Variants in LONP2 observed in about 807,000 individuals in gnomAD.
The protein encoded by LONP2 is lon peptidase 2, peroxisomal.
Under a neutral mutation model 85.6 loss-of-function variants are expected in LONP2, and 60 were observed. That is an observed-to-expected ratio of 0.70 (90% CI 0.57 to 0.87). LONP2 has a LOEUF of 0.87. Ranked by LOEUF, LONP2 falls within the 40% of genes least tolerant of loss-of-function variation. LONP2 has a pLI of 0.00. For missense variants in LONP2, 860 were observed against 1,063.5 expected, an observed-to-expected ratio of 0.81 and a Z score of 2.66; for synonymous variants, 395 against 389.7, an observed-to-expected ratio of 1.01 and a Z score of -0.16.
At chr16:48,294,727 C>G (rs1002685413) in intron 8 of LONP2, among the ~76,000 whole-genome samples, 4 of 151,996 alleles carry the variant, frequency 2.6e-5, no homozygotes, top group Non-Finnish European at 5.9e-5. Context: ...AAATGAGACT[C>G]TGTCTCAAAC....
chr16:48,344,258 G>T (rs987417720), intron 12 of LONP2: 2 of 152,134 alleles, frequency 1.3e-5, no homozygotes, highest in Admixed American at 6.5e-5. Context: ...TTCAGAACAC[G>T]TCCTTAAAGA....
Position 48,352,804 on chromosome 16 carries a change from A to T in LONP2, c.*1002A>T, listed in dbSNP as rs1317269219. ...TGGCCCTGGATGCCTGCAACCTCAG[A>T]AGAGTGCAGCTCCCAGAGGGAGGCA... is the stretch of plus-strand genomic sequence containing the variant. On this transcript the variant is annotated 3_prime_UTR_variant, in exon 15 of 15. Coordinates refer to ENST00000285737, the MANE Select transcript of LONP2 (RefSeq NM_031490.5). 6.6e-6 allele frequency: 1 copy of T among 152,258 alleles called. No individual in the cohort carries two copies. The highest frequency in any genetic ancestry group is 1.9e-4 in the East Asian group (1 of 5,190). 9.4% of individuals were successfully genotyped at this position (152,258 alleles called of 1,614,324 possible). A position where few individuals can be genotyped will look rare whatever the true frequency, so the allele number is the denominator to read the frequency against.
chr16:48,299,598 A>C, intron 9 of LONP2, 64 bp from the exon 10 acceptor site: 26 of 1,555,920 alleles, frequency 1.7e-5, no homozygotes, highest in Non-Finnish European at 2.2e-5. Context: ...AAAAAACAAA[A>C]AACAAAGCAT....
chr16:48,265,787 T>G (rs1055437103), intron 6 of LONP2, among the ~76,000 whole-genome samples: 2 of 152,216 alleles, frequency 1.3e-5, no homozygotes, highest in African/African-American at 2.4e-5. Context: ...GGGATTACAT[T>G]GAACTTGTAA....
At chr16:48,350,592 G>C (rs1190444439) in intron 14 of LONP2, among the ~76,000 whole-genome samples, 1 of 152,230 alleles carries the variant, frequency 6.6e-6, no homozygotes, top group East Asian at 1.9e-4. Flanking sequence ...ATGCCAGTGG[G>C]GCGGGAAGGC....
Position 48,296,163 on chromosome 16 carries a change from C to T in LONP2, c.1532C>T (p.Pro511Leu), listed in dbSNP as rs771780712. The T allele has an allele frequency of 5.0e-6, 8 of 1,613,780 alleles. No homozygotes were observed. Among genetic ancestry groups the T allele is most frequent in the African/African-American group, 1.3e-5 (1 of 74,906 alleles). The change falls in exon 9 of 15, where the codon CCA becomes CTA. Residue 511 changes from proline to leucine, a missense_variant and splice_region_variant. By Grantham distance (98) the Pro-to-Leu change is moderately conservative. Transcript: ENST00000285737. The part of the protein sequence containing the change: ...LLDRMEIIQV[P>L]GYTQEEKIEI... ...GACAGAATGGAGATCATTCAGGTTC[C>T]AGGTACCTGACTCTTAAATCATTAT...
chr16:48,292,936 A>C (rs1972585696), intron 8 of LONP2, among the ~76,000 whole-genome samples: 1 of 152,154 alleles, frequency 6.6e-6, no homozygotes, highest in African/African-American at 2.4e-5. Flanking sequence ...TTTTCTCCTT[A>C]TAATCTAGGT....
At chr16:48,331,623 G>GGTT (rs1959454282) in intron 11 of LONP2, among the ~76,000 whole-genome samples, 1 of 149,040 alleles carries the variant, frequency 6.7e-6, no homozygotes. Flanking sequence ...GGAGTGCAGT[G>GGTT]GCGCGATCTC....
chr16:48,295,905 C>G (rs1047558334), intron 8 of LONP2, 110 bp from the exon 9 acceptor site: 1 of 955,180 alleles, frequency 1.0e-6, no homozygotes, highest in Admixed American at 2.4e-5. Flanking sequence ...TTCTTAAATT[C>G]TTCTGAGCAG....
intron 12 of LONP2, among the ~76,000 whole-genome samples, chr16:48,335,512 T>C (rs1208192012): frequency 6.6e-6 from 1 of 152,242 alleles, no homozygotes; most frequent in Non-Finnish European, 1.5e-5. Context: ...TTAGATGAGC[T>C]TTCATAGGTT....
At chr16:48,307,113 A>C (rs1397210898) in intron 11 of LONP2, among the ~76,000 whole-genome samples, 1 of 152,224 alleles carries the variant, frequency 6.6e-6, no homozygotes, top group Non-Finnish European at 1.5e-5. Context: ...CTTAACTGGC[A>C]GTTAAAGAGA....
At position 48,244,481 on chromosome 16, in the gene LONP2, C is replaced by T. The variant is rs1398264225; in HGVS notation, c.93C>T (p.Thr31=). The change falls in exon 1 of 15, where the codon ACC becomes ACT. Residue 31 remains threonine, a synonymous_variant. Transcript: ENST00000285737. ...TGCTGCCCGGCTCCACCATGCGCACCAGCGTGGACTCGGCCCGCAACCTGC... is the reference window on the plus strand; with the variant it reads ...TGCTGCCCGGCTCCACCATGCGCACTAGCGTGGACTCGGCCCGCAACCTGC... ...GVLLPGSTMR[T]SVDSARNLQL... 3 of 1,600,272 alleles carry T rather than the reference C, an allele frequency of 1.9e-6. No individual in the cohort carries two copies. Among genetic ancestry groups the T allele is most frequent in the East Asian group, 4.5e-5 (2 of 44,176 alleles).
At chr16:48,289,102 T>G (rs148335831) in intron 8 of LONP2, among the ~76,000 whole-genome samples, 3 of 152,330 alleles carry the variant, frequency 2.0e-5, no homozygotes, top group Middle Eastern at 3.4e-3. Flanking sequence ...TTTTTAATGA[T>G]ACTTTGCAGG....
intron 10 of LONP2, among the ~76,000 whole-genome samples, chr16:48,300,810 G>C (rs1461717621): frequency 6.6e-6 from 1 of 152,142 alleles, no homozygotes; most frequent in Non-Finnish European, 1.5e-5. Flanking sequence ...CATTATTCCA[G>C]ATAACACCCA....
chr16:48,276,968 G>A (rs368572440), intron 7 of LONP2, among the ~76,000 whole-genome samples: 79 of 152,152 alleles, frequency 5.2e-4, no homozygotes, highest in African/African-American at 1.7e-3. Context: ...TTGGGTAGGG[G>A]GATGCTCAGA....
Position 48,263,251 on chromosome 16 carries a change from T to C in LONP2, c.982+379T>C, listed in dbSNP as rs142592998. On this transcript the variant is annotated intron_variant, in intron 6 of 14. Coordinates refer to ENST00000285737, the MANE Select transcript of LONP2 (RefSeq NM_031490.5). Reference sequence around the variant, plus strand: ...AAGGTCTAATGTTAAATTAACAATATTGTTAGCGATAGGCACTTTTCTTTA... The same window carrying C: ...AAGGTCTAATGTTAAATTAACAATACTGTTAGCGATAGGCACTTTTCTTTA... 1.2e-3 allele frequency among the ~76,000 whole-genome samples: 177 copies of C among 152,338 alleles called. 1 individual carries two copies. The highest frequency in any genetic ancestry group is 4.2e-3 in the African/African-American group (173 of 41,576).
Position 48,303,278 on chromosome 16 carries a change from G to A in LONP2, c.1768G>A (p.Asp590Asn). The change falls in exon 11 of 15, where the codon GAC becomes AAC. Residue 590 changes from aspartate to asparagine, a missense_variant. Asp to Asn is a conservative substitution (Grantham distance 23). This residue lies in a region of LONP2 where 743 missense variants were observed against 917.3 expected (regional missense o/e 0.81). Transcript: ENST00000285737. ...AGGACAGCATAAGGAAGCCAAGTTG[G>A]ACCGTTCTGATGTGACTGAGAGAGA... ...AEGQHKEAKL[D>N]RSDVTEREGC... The A allele has an allele frequency of 3.1e-6, 5 of 1,614,156 alleles. No homozygotes were observed. In the South Asian group the frequency reaches 5.5e-5, roughly 18 times the overall value.
At chr16:48,244,711 C>T (rs1971250285) in intron 1 of LONP2, 90 bp downstream of exon 1, 4 of 976,284 alleles carry the variant, frequency 4.1e-6, no homozygotes, top group Admixed American at 4.3e-5. Context: ...GAGCGCGAGG[C>T]TCAGTTCGGG....
At chr16:48,348,376 T>G in intron 14 of LONP2, 86 bp downstream of exon 14, 1 of 863,352 alleles carries the variant, frequency 1.2e-6, no homozygotes. Context: ...TTTGCCTTCT[T>G]TCTATGAAAA....
Sources: gnomAD v4.1 joint callset for allele counts (sites outside exome capture counted in the v4.1 genomes callset) on GRCh38, gnomAD v4.1.1 for gene constraint, gnomAD v4.1.1 regional missense constraint, MANE v1.5 for transcripts, NCBI Gene and HGNC (gene_info 2026-07-23, HGNC 2026-07-21) for gene names.